The following ATAT1 variants were observed in gnomAD, a reference collection of about 807,000 sequenced individuals.
ATAT1 encodes alpha tubulin acetyltransferase 1.
In ATAT1, 42 loss-of-function variants were observed where a neutral mutation model predicts 57.2. That is an observed-to-expected ratio of 0.73 (90% CI 0.57 to 0.95). The LOEUF is 0.95. Among genes scored for constraint, ATAT1 ranks in the 40% least tolerant of loss-of-function variants. ATAT1 has a pLI of 0.00. For missense variants in ATAT1, 454 were observed against 523.7 expected (o/e 0.87, Z 1.30); for synonymous variants, 168 against 187.1 (o/e 0.90, Z 0.83).
intron 10 of ATAT1, chr6:30,643,555 G>T: frequency 6.5e-7 from 1 of 1,550,256 alleles, no homozygotes; most frequent in Admixed American, 2.0e-5. Context: ...GAGGAGAGTC[G>T]ATACTAACAG....
intron 6 of ATAT1, among the ~76,000 whole-genome samples, 181 bp downstream of exon 6, chr6:30,628,611 A>AT (rs112124172): frequency 4.8e-4 from 70 of 146,946 alleles, no homozygotes; most frequent in South Asian, 3.4e-3. Context: ...ATCTATTTTG[A>AT]TTTTTTTTTT....
At chr6:30,627,584 C>A (rs1217356874) in intron 2 of ATAT1, 52 bp from the exon 3 acceptor site, 2 of 1,607,644 alleles carry the variant, frequency 1.2e-6, no homozygotes, top group Non-Finnish European at 1.7e-6. Context: ...ATAAGGGAGG[C>A]CTGGGTCCTT....
intron 6 of ATAT1, among the ~76,000 whole-genome samples, chr6:30,636,683 G>A (rs1283849774): frequency 2.0e-5 from 3 of 152,054 alleles, no homozygotes; most frequent in African/African-American, 7.2e-5. Context: ...GTTGGGGGGT[G>A]GGGGTGATGA....
At chr6:30,630,792 A>G (rs539327544) in intron 6 of ATAT1, among the ~76,000 whole-genome samples, 2 of 144,140 alleles carry the variant, frequency 1.4e-5, no homozygotes, top group Admixed American at 1.4e-4. Flanking sequence ...ATAAAAATTA[A>G]CTGGGCATGA....
chr6:30,628,096 CTG>C lies in ATAT1; in HGVS notation c.353_354del (p.Val118AlafsTer27). The C allele has an allele frequency of 6.2e-7, 1 of 1,613,040 alleles. No individual in the cohort carries two copies. The highest frequency in any genetic ancestry group is 8.5e-7 in the Non-Finnish European group (1 of 1,180,022). On this transcript the variant is annotated frameshift_variant, in exon 5 of 13. Transcript: ENST00000330083. LOFTEE classifies it high-confidence loss of function. The stretch of plus-strand genomic sequence containing the variant: ...ATCCTGGACTTTTACATCCATGAGT[CTG>C]TGCAACGCCATGGCCATGGGCGAGA...
chr6:30,642,832 A>AGGGGGC lies in ATAT1; in HGVS notation c.754_755insGGGGCG (p.Pro251_Ala252insGlyGly). The AGGGGGC allele has an allele frequency of 8.9e-6, 11 of 1,230,722 alleles. No individual in the cohort carries two copies. Among genetic ancestry groups the AGGGGGC allele is most frequent in the East Asian group, 3.4e-5 (1 of 29,672 alleles). 76.2% of individuals were successfully genotyped at this position (1,230,722 alleles called of 1,614,324 possible). A position where few individuals can be genotyped will look rare whatever the true frequency, so the allele number is the denominator to read the frequency against. ...GGGCCCCTCGCCGCGCCACACCTCC[A>AGGGGGC]GCCCACCCACCCCCCCGCTCCAGCA... On this transcript the variant is annotated inframe_insertion, in exon 10 of 13. Coordinates refer to ENST00000330083, the MANE Select transcript of ATAT1 (RefSeq NM_001031722.4).
rs749615995 is a variant in ATAT1, at chr6:30,644,700, G to A, written c.933-1195G>A. Reference sequence around the variant, plus strand: ...AAAAAGTTGTCAGCCTCATTTGTGCGTCATCCCTTATTTTCCTGGGATCTC... The same window carrying A: ...AAAAAGTTGTCAGCCTCATTTGTGCATCATCCCTTATTTTCCTGGGATCTC... On this transcript the variant is annotated intron_variant, in intron 10 of 12. Coordinates refer to ENST00000330083, the MANE Select transcript of ATAT1 (RefSeq NM_001031722.4). 8.4e-4 allele frequency: 763 copies of A among 904,914 alleles called. 1 individual carries two copies. The highest frequency in any genetic ancestry group is 9.2e-4 in the Non-Finnish European group (693 of 756,740). 56.1% of individuals were successfully genotyped at this position (904,914 alleles called of 1,614,324 possible).
chr6:30,640,460 G>A (rs781397672), intron 7 of ATAT1, 38 bp downstream of exon 7: 8 of 1,612,814 alleles, frequency 5.0e-6, no homozygotes, highest in East Asian at 4.5e-5. Flanking sequence ...TAGTCGGGGT[G>A]AGGGAAAGGA....
chr6:30,642,018 T>C, intron 8 of ATAT1, 158 bp from the exon 9 acceptor site: 5 of 1,508,960 alleles, frequency 3.3e-6, no homozygotes, highest in Non-Finnish European at 4.4e-6. Flanking sequence ...AATTCCCTTT[T>C]GGTGTGCTGG....
At position 30,628,148 on chromosome 6, in the gene ATAT1, A is replaced by G. The variant is rs1762068582; in HGVS notation, c.399+3A>G. On this transcript the variant is annotated splice_donor_region_variant and intron_variant, in intron 5 of 12. Coordinates refer to ENST00000330083, the MANE Select transcript of ATAT1 (RefSeq NM_001031722.4). The stretch of plus-strand genomic sequence containing the variant: ...AACTCTTCCAGTATATGTTGCAGGT[A>G]TCACTGACCTCTTCACTGGTTCATC... The G allele has an allele frequency of 1.2e-6, 2 of 1,610,546 alleles. No individual in the cohort carries two copies. The highest frequency in any genetic ancestry group is 1.3e-5 in the African/African-American group (1 of 74,846).
intron 6 of ATAT1, among the ~76,000 whole-genome samples, chr6:30,632,920 G>A (rs1253398603): frequency 7.6e-5 from 11 of 144,402 alleles, no homozygotes; most frequent in Admixed American, 2.1e-4. Flanking sequence ...CTAGCCTGGT[G>A]ACAGAGTAAG....
chr6:30,638,580 T>C lies in ATAT1; in HGVS notation c.502-1797T>C, dbSNP rs534563825. Among the ~76,000 whole-genome samples, 28 of 151,812 alleles carry C rather than the reference T, an allele frequency of 1.8e-4. 1 individual carries two copies. The highest frequency in any genetic ancestry group is 6.8e-4 in the African/African-American group (28 of 41,480). ...CCACCACGCCTGGCCCCCGAGTTTTTTTTTTTTTTTTGAGACGGAGTCTCT... is the reference window on the plus strand; with the variant it reads ...CCACCACGCCTGGCCCCCGAGTTTTCTTTTTTTTTTTGAGACGGAGTCTCT... On this transcript the variant is annotated intron_variant, in intron 6 of 12. Coordinates refer to ENST00000330083, the MANE Select transcript of ATAT1 (RefSeq NM_001031722.4).
At position 30,642,831 on chromosome 6, in the gene ATAT1, C is replaced by CTGGGGGGGGGGG; in HGVS notation, c.752_753insTGGGGGGGGGGG (p.Pro251_Ala252insGlyGlyGlyGly). On this transcript the variant is annotated inframe_insertion, in exon 10 of 13. Coordinates refer to ENST00000330083, the MANE Select transcript of ATAT1 (RefSeq NM_001031722.4). Reference sequence around the variant, plus strand: ...AGGGCCCCTCGCCGCGCCACACCTCCAGCCCACCCACCCCCCCGCTCCAGC... The same window carrying CTGGGGGGGGGGG: ...AGGGCCCCTCGCCGCGCCACACCTCCTGGGGGGGGGGGAGCCCACCCACCCCCCCGCTCCAGC... 20 of 1,583,146 alleles carry CTGGGGGGGGGGG rather than the reference C, an allele frequency of 1.3e-5. No homozygotes were observed. The highest frequency in any genetic ancestry group is 2.3e-5 in the East Asian group (1 of 43,568).
intron 6 of ATAT1, among the ~76,000 whole-genome samples, chr6:30,629,830 C>T (rs1347948174): frequency 6.6e-6 from 1 of 152,248 alleles, no homozygotes; most frequent in African/African-American, 2.4e-5. Flanking sequence ...AGGCGTGAGC[C>T]ACCGTGCCCG....
chr6:30,644,519 G>C, intron 10 of ATAT1: 1 of 985,646 alleles, frequency 1.0e-6, no homozygotes, highest in East Asian at 1.1e-4. Flanking sequence ...GCTAGATCAG[G>C]TGCCCCACTG....
intron 6 of ATAT1, among the ~76,000 whole-genome samples, chr6:30,634,885 G>A (rs1024434524): frequency 2.6e-5 from 4 of 151,964 alleles, no homozygotes; most frequent in Non-Finnish European, 5.9e-5. Context: ...CTACTTGGGA[G>A]GCTGAGGCAG....
At chr6:30,639,458 G>C (rs1489062364) in intron 6 of ATAT1, among the ~76,000 whole-genome samples, 1 of 150,850 alleles carries the variant, frequency 6.6e-6, no homozygotes, top group African/African-American at 2.4e-5. Flanking sequence ...CCATTCTGTA[G>C]ATTGTCTTTT....
chr6:30,634,328 G>A lies in ATAT1; in HGVS notation c.501+5898G>A, dbSNP rs571508114. On this transcript the variant is annotated intron_variant, in intron 6 of 12. Coordinates refer to ENST00000330083, the MANE Select transcript of ATAT1 (RefSeq NM_001031722.4). ...TGCAGTGGTGCGATCTTGGCTCACCGCAAGCTCCACCTCCTGGGTTCAAGT... is the reference window on the plus strand; with the variant it reads ...TGCAGTGGTGCGATCTTGGCTCACCACAAGCTCCACCTCCTGGGTTCAAGT... 1.0e-3 allele frequency among the ~76,000 whole-genome samples: 158 copies of A among 151,752 alleles called. 1 individual carries two copies. Among genetic ancestry groups the A allele is most frequent in the African/African-American group, 3.1e-3 (129 of 41,354 alleles).
In ATAT1 at chr6:30,645,938, C is replaced by T. The variant is rs762623439; in HGVS notation, c.976C>T (p.Arg326Cys). 8.5e-6 allele frequency: 13 copies of T among 1,530,104 alleles called. No individual in the cohort carries two copies. The highest frequency in any genetic ancestry group is 1.1e-5 in the Non-Finnish European group (13 of 1,138,274). 94.8% of individuals were successfully genotyped at this position (1,530,104 alleles called of 1,614,324 possible). A position where few individuals can be genotyped will look rare whatever the true frequency, so the allele number is the denominator to read the frequency against. The change falls in exon 11 of 13, where the codon CGC (arginine) becomes TGC (cysteine). Residue 326 changes from arginine (R) to cysteine (C), a missense_variant. Arg to Cys is a radical substitution (Grantham distance 180). Transcript: ENST00000330083. The stretch of plus-strand genomic sequence containing the variant: ...GGTAGCCCAAAGCTGCTGCTACAGC[C>T]GCCATGGGGGGGTGAATTCCTCATC...
Sources: allele counts gnomAD v4.1 joint callset (sites outside exome capture counted in the v4.1 genomes callset), GRCh38; gene constraint gnomAD v4.1.1; transcripts MANE v1.5; gene names NCBI Gene and HGNC (gene_info 2026-07-23, HGNC 2026-07-21).